Variants in SOCS2 observed in about 807,000 individuals in gnomAD.
SOCS2 encodes the protein CIS-2.
A neutral mutation model predicts 18.6 loss-of-function variants in SOCS2; 10 were observed. The observed-to-expected ratio is 0.54, with a 90% confidence interval of 0.33 to 0.91. SOCS2 has a LOEUF of 0.91. Among genes scored for constraint, SOCS2 ranks in the 40% least tolerant of loss-of-function variants. The probability of loss-of-function intolerance (pLI) is 0.02; values close to 1 mark genes in which losing one functional copy is unlikely to be tolerated. For synonymous variants in SOCS2, 104 were observed against 104.0 expected (o/e 1.00, Z 0.00); for missense variants, 231 against 247.2 (o/e 0.93, Z 0.44).
the SOCS2 span, among the ~76,000 whole-genome samples, chr12:93,593,773 G>A: frequency 6.6e-6 from 1 of 151,882 alleles, no homozygotes. Flanking sequence ...ATAAGATCTG[G>A]GTGTCAGCAA....
At chr12:93,620,218 T>C in the SOCS2 span, among the ~76,000 whole-genome samples, 2 of 152,248 alleles carry the variant, frequency 1.3e-5, no homozygotes, top group Non-Finnish European at 2.9e-5. Flanking sequence ...TATCATTTTC[T>C]CATTTAATAT....
At chr12:93,623,104 T>C in the SOCS2 span, among the ~76,000 whole-genome samples, 1 of 152,158 alleles carries the variant, frequency 6.6e-6, no homozygotes, top group Non-Finnish European at 1.5e-5. Context: ...TCTCGAATTG[T>C]AACCCCCAAA....
At chr12:93,600,230 T>C in the SOCS2 span, among the ~76,000 whole-genome samples, 6 of 152,362 alleles carry the variant, frequency 3.9e-5, no homozygotes, top group South Asian at 8.3e-4. Flanking sequence ...GTACCACTTA[T>C]TGAACAGTCT....
At chr12:93,601,673 G>C in the SOCS2 span, among the ~76,000 whole-genome samples, 1 of 152,190 alleles carries the variant, frequency 6.6e-6, no homozygotes, top group Non-Finnish European at 1.5e-5. Context: ...TTTTCTCAAA[G>C]AACGAGCATT....
intron 1 of SOCS2, among the ~76,000 whole-genome samples, chr12:93,582,210 TC>T (rs1954549528): frequency 1.3e-5 from 2 of 152,096 alleles, no homozygotes; most frequent in African/African-American, 4.8e-5. Flanking sequence ...GTGGGGAAGA[TC>T]TTTTGGCTGA....
chr12:93,615,592 A>T, the SOCS2 span, among the ~76,000 whole-genome samples: 9 of 152,164 alleles, frequency 5.9e-5, no homozygotes, highest in African/African-American at 2.2e-4. Context: ...TAAAGTGTGA[A>T]AGTATTTGTT....
chr12:93,625,839 G>T, the SOCS2 span, among the ~76,000 whole-genome samples: 1 of 151,200 alleles, frequency 6.6e-6, no homozygotes, highest in Admixed American at 6.6e-5. Flanking sequence ...TTAGCACATT[G>T]TGTTGTTTGC....
downstream of SOCS2, among the ~76,000 whole-genome samples, chr12:93,577,785 G>A (rs578174838): frequency 3.9e-4 from 60 of 152,208 alleles, 1 homozygote; most frequent in Middle Eastern, 0.017. Flanking sequence ...GCAGGTGGGC[G>A]GGGAGGGGGC....
intron 1 of SOCS2, 183 bp downstream of exon 1, chr12:93,573,219 T>G (rs1954325210): frequency 1.2e-5 from 9 of 746,772 alleles, no homozygotes; most frequent in Non-Finnish European, 1.9e-5. Context: ...AAAGTGGTTC[T>G]CCAGGGACTC....
the SOCS2 span, among the ~76,000 whole-genome samples, chr12:93,619,907 C>A: frequency 1.3e-5 from 2 of 152,338 alleles, no homozygotes; most frequent in South Asian, 2.1e-4. Flanking sequence ...CAAAGGTAAT[C>A]TTTCTCTCTT....
the SOCS2 span, among the ~76,000 whole-genome samples, chr12:93,620,316 T>G: frequency 1.3e-5 from 2 of 152,244 alleles, no homozygotes; most frequent in Non-Finnish European, 2.9e-5. Flanking sequence ...GTACCAAAAT[T>G]TAAATCATTT....
At chr12:93,606,517 C>T in the SOCS2 span, among the ~76,000 whole-genome samples, 1 of 151,966 alleles carries the variant, frequency 6.6e-6, no homozygotes, top group African/African-American at 2.4e-5. Flanking sequence ...ATACTAGGAT[C>T]AGGGCTGAGA....
the SOCS2 span, among the ~76,000 whole-genome samples, chr12:93,604,311 A>T: frequency 6.6e-6 from 1 of 152,244 alleles, no homozygotes; most frequent in South Asian, 2.1e-4. Context: ...TATAAATGAA[A>T]TATTGGGCAA....
the SOCS2 span, among the ~76,000 whole-genome samples, chr12:93,594,220 A>C: frequency 6.6e-6 from 1 of 152,222 alleles, no homozygotes; most frequent in Admixed American, 6.5e-5. Flanking sequence ...TTCAGAAGAC[A>C]ATGAATTCAA....
At chr12:93,590,544 C>T in the SOCS2 span, among the ~76,000 whole-genome samples, 5 of 151,804 alleles carry the variant, frequency 3.3e-5, no homozygotes, top group African/African-American at 1.2e-4. Context: ...GGCCTGTAAT[C>T]CCAGCACTTT....
downstream of SOCS2, among the ~76,000 whole-genome samples, chr12:93,577,114 C>G (rs931644529): frequency 3.3e-5 from 5 of 152,186 alleles, no homozygotes; most frequent in East Asian, 5.8e-4. Context: ...TTTGAACACT[C>G]TATTTCTCAG....
intron 1 of SOCS2, among the ~76,000 whole-genome samples, chr12:93,582,131 C>T (rs1954548318): frequency 6.6e-6 from 1 of 152,180 alleles, no homozygotes; most frequent in South Asian, 2.1e-4. Flanking sequence ...TTTATGAAGA[C>T]AAGCCCCCAG....
At chr12:93,603,619 A>G in the SOCS2 span, among the ~76,000 whole-genome samples, 1 of 151,952 alleles carries the variant, frequency 6.6e-6, no homozygotes, top group Non-Finnish European at 1.5e-5. Context: ...TACCTTTATT[A>G]TTTTTTTTAA....
At chr12:93,577,260 C>A (rs1954479910), downstream of SOCS2, among the ~76,000 whole-genome samples, 1 of 152,138 alleles carries the variant, frequency 6.6e-6, no homozygotes, top group African/African-American at 2.4e-5. Context: ...TGCCATGAAA[C>A]CTATTGCCTT....
Sources: allele counts gnomAD v4.1 joint callset (sites outside exome capture counted in the v4.1 genomes callset), GRCh38; gene constraint gnomAD v4.1.1; transcripts MANE v1.5; gene names NCBI Gene and HGNC (gene_info 2026-07-23, HGNC 2026-07-21).